The following ZC3H12B variants were observed in gnomAD, a reference collection of about 807,000 sequenced individuals.
The protein encoded by ZC3H12B is zinc finger CCCH-type containing 12B.
A neutral mutation model predicts 43.9 loss-of-function variants in ZC3H12B; 7 were observed. The observed-to-expected ratio is 0.16, with a 90% CI of 0.09 to 0.30. ZC3H12B has a LOEUF of 0.30. Ranked by LOEUF, ZC3H12B falls within the 10% of genes least tolerant of loss-of-function variation. The probability of loss-of-function intolerance (pLI) is 1.00; values close to 1 mark genes in which losing one functional copy is unlikely to be tolerated. For missense variants in ZC3H12B, 475 were observed against 670.2 expected (o/e 0.71, Z 3.22); for synonymous variants, 222 against 241.7 (o/e 0.92, Z 0.76).
At chrX:65,306,392 A>T in the ZC3H12B span, among the ~76,000 whole-genome samples, 1 of 111,694 alleles carries the variant, frequency 9.0e-6, no homozygotes, top group Non-Finnish European at 1.9e-5. Context: ...TTTTTCTTAG[A>T]GATGGATTCT....
At chrX:65,044,968 TAA>T in the ZC3H12B span, among the ~76,000 whole-genome samples, 5 of 98,994 alleles carry the variant, frequency 5.1e-5, no homozygotes, top group Non-Finnish European at 8.3e-5. Context: ...CATCCCTACT[TAA>T]AAAAAAAAAA....
At chrX:65,449,007 A>G (rs2067429231) in intron 3 of ZC3H12B, among the ~76,000 whole-genome samples, 2 of 106,973 alleles carry the variant, frequency 1.9e-5, no homozygotes, top group Non-Finnish European at 3.9e-5. Flanking sequence ...GGAAAGAAAG[A>G]AAGAAAGGAA....
At chrX:65,319,274 A>T in the ZC3H12B span, among the ~76,000 whole-genome samples, 4 of 111,972 alleles carry the variant, frequency 3.6e-5, no homozygotes, top group African/African-American at 1.3e-4. Context: ...AATACAAAAA[A>T]TTATCAGATA....
intron 3 of ZC3H12B, among the ~76,000 whole-genome samples, chrX:65,437,976 T>C (rs1461531783): frequency 8.9e-6 from 1 of 112,522 alleles, no homozygotes; most frequent in Non-Finnish European, 1.9e-5. Context: ...GTTTTCCCAG[T>C]ACCTCTTATT....
chrX:65,088,750 T>C, the ZC3H12B span, among the ~76,000 whole-genome samples: 1 of 111,499 alleles, frequency 9.0e-6, no homozygotes, highest in African/African-American at 3.3e-5. Context: ...AAGGATGGTT[T>C]TTTTCGCCTT....
At chrX:65,139,625 C>T in the ZC3H12B span, among the ~76,000 whole-genome samples, 2 of 110,377 alleles carry the variant, frequency 1.8e-5, no homozygotes, top group Non-Finnish European at 3.8e-5. Flanking sequence ...TGAAAAAAGT[C>T]ATTGAAATTT....
chrX:65,144,997 G>A, the ZC3H12B span, among the ~76,000 whole-genome samples: 20 of 111,970 alleles, frequency 1.8e-4, no homozygotes, highest in African/African-American at 5.5e-4. Flanking sequence ...TTGTTCCAGA[G>A]TATAGTTTAA....
chrX:65,367,289 A>T (rs1391282977), intron 1 of ZC3H12B, among the ~76,000 whole-genome samples: 3 of 111,756 alleles, frequency 2.7e-5, no homozygotes, highest in African/African-American at 9.8e-5. Context: ...TGCAAATAAC[A>T]TGTTTGCTAG....
At chrX:65,283,129 T>C in the ZC3H12B span, among the ~76,000 whole-genome samples, 1 of 111,044 alleles carries the variant, frequency 9.0e-6, no homozygotes, top group African/African-American at 3.3e-5. Flanking sequence ...TCCACCAAGA[T>C]CAAGCTGGCT....
chrX:65,498,946 G>C, intron 2 of ZC3H12B, 53 bp from the exon 8 acceptor site: 1 of 1,023,484 alleles, frequency 9.8e-7, no homozygotes, highest in Non-Finnish European at 1.4e-6. Flanking sequence ...GGGTAATACT[G>C]TTAATTTCCA....
At chrX:65,501,748 A>G (rs1333088532) in intron 4 of ZC3H12B, 41 bp from the exon 10 acceptor site, 1 of 1,090,843 alleles carries the variant, frequency 9.2e-7, no homozygotes, top group South Asian at 2.3e-5. Context: ...AGAGGGTTCC[A>G]TCACTGAGAG....
chrX:65,284,816 A>G, the ZC3H12B span, among the ~76,000 whole-genome samples: 1 of 111,952 alleles, frequency 8.9e-6, no homozygotes, highest in Admixed American at 9.5e-5. Context: ...CCAAATAGAA[A>G]TTATGAAACT....
chrX:65,404,253 A>G (rs1284714310), intron 3 of ZC3H12B, among the ~76,000 whole-genome samples: 4 of 112,043 alleles, frequency 3.6e-5, no homozygotes, highest in African/African-American at 6.5e-5. Context: ...ACAGAAAAAC[A>G]AAAAGCAAGA....
At chrX:65,298,153 C>G in the ZC3H12B span, among the ~76,000 whole-genome samples, 1 of 111,483 alleles carries the variant, frequency 9.0e-6, no homozygotes, top group Non-Finnish European at 1.9e-5. Flanking sequence ...ATAGGTGGGA[C>G]TTAATTAAAC....
At chrX:65,113,565 T>TAAAA in the ZC3H12B span, among the ~76,000 whole-genome samples, 130 of 100,767 alleles carry the variant, frequency 1.3e-3, no homozygotes, top group African/African-American at 4.5e-3. Context: ...CCTTGTTTTA[T>TAAAA]AAAAAAAAAA....
Position 65,391,855 on chromosome X carries a change from C to T in ZC3H12B, n.296-6738C>T, listed in dbSNP as rs2066620977. Among the ~76,000 whole-genome samples the T allele has an allele frequency of 2.7e-5, 3 of 111,412 alleles. No homozygotes were observed. The Admixed American group carries it at 2.9e-4, about 11-fold the overall frequency. ...GTAATGCCGCGATCTTGGCTCACTG[C>T]AACCTCCCTGCCTGATTCTCCTGCC... On this transcript the variant is annotated intron_variant and non_coding_transcript_variant, in intron 2 of 5. Coordinates refer to the ZC3H12B transcript ENST00000617377.
At chrX:65,423,517 CTGT>C (rs1441998661) in intron 3 of ZC3H12B, among the ~76,000 whole-genome samples, 5 of 112,324 alleles carry the variant, frequency 4.5e-5, no homozygotes, top group Non-Finnish European at 9.4e-5. Flanking sequence ...TCTCCAGCAT[CTGT>C]TGTTTCCAGA....
At chrX:65,425,419 C>A (rs992784596) in intron 3 of ZC3H12B, among the ~76,000 whole-genome samples, 1 of 111,193 alleles carries the variant, frequency 9.0e-6, no homozygotes, top group Non-Finnish European at 1.9e-5. Context: ...CAAACAAAGA[C>A]AATTTGATAC....
At chrX:65,127,389 G>T in the ZC3H12B span, among the ~76,000 whole-genome samples, 2 of 112,239 alleles carry the variant, frequency 1.8e-5, no homozygotes, top group Non-Finnish European at 3.8e-5. Flanking sequence ...ACCAGCACCT[G>T]CTCTAGTGGA....
Sources: allele counts gnomAD v4.1 joint callset (sites outside exome capture counted in the v4.1 genomes callset), GRCh38; gene constraint gnomAD v4.1.1; transcripts MANE v1.5; gene names NCBI Gene and HGNC (gene_info 2026-07-23, HGNC 2026-07-21).